The following IMPG1 variants were observed in gnomAD, a reference collection of about 807,000 sequenced individuals.
The protein encoded by IMPG1 is interphotoreceptor matrix proteoglycan of 150 kDa.
Under a neutral mutation model 92.0 loss-of-function variants are expected in IMPG1, and 85 were observed. The ratio of observed to expected loss-of-function variants is 0.92; its 90% confidence interval spans 0.78 to 1.11. The LOEUF is 1.11. Among genes scored for constraint, IMPG1 ranks in the 50% least tolerant of loss-of-function variants. IMPG1 has a pLI of 0.00. For missense variants in IMPG1, 1,022 were observed against 956.0 expected, an observed-to-expected ratio of 1.07 and a Z score of -0.91; for synonymous variants, 367 against 334.1, an observed-to-expected ratio of 1.10 and a Z score of -1.08.
chr6:75,991,524 C>G (rs1048226901), intron 12 of IMPG1, among the ~76,000 whole-genome samples: 2 of 152,158 alleles, frequency 1.3e-5, no homozygotes, highest in African/African-American at 4.8e-5. Flanking sequence ...CACCATGTCT[C>G]GATCACTTGA....
intron 1 of IMPG1, 24 bp downstream of exon 1, chr6:76,072,398 A>G: frequency 7.6e-7 from 1 of 1,310,158 alleles, no homozygotes; most frequent in Non-Finnish European, 1.1e-6. Flanking sequence ...AAGCAATTTA[A>G]AAGTAAACAT....
At chr6:75,931,986 G>A (rs1431753083) in intron 14 of IMPG1, among the ~76,000 whole-genome samples, 1 of 152,248 alleles carries the variant, frequency 6.6e-6, no homozygotes, top group Non-Finnish European at 1.5e-5. Context: ...GGCAGAACCA[G>A]AACAGGCCTC....
At chr6:76,051,235 A>G (rs538865160) in intron 1 of IMPG1, among the ~76,000 whole-genome samples, 2 of 152,332 alleles carry the variant, frequency 1.3e-5, no homozygotes, top group African/African-American at 4.8e-5. Flanking sequence ...CTCCCACTAC[A>G]TTAGTAGATT....
intron 12 of IMPG1, among the ~76,000 whole-genome samples, chr6:75,974,408 C>CCTTCCTTGCTTG (rs1562354959): frequency 8.1e-6 from 1 of 123,034 alleles, no homozygotes; most frequent in African/African-American, 3.0e-5. Context: ...TTCTTTCCTT[C>CCTTCCTTGCTTG]CTTCCTTCCT....
chr6:75,963,492 T>C (rs892720025), intron 12 of IMPG1, among the ~76,000 whole-genome samples: 3 of 152,168 alleles, frequency 2.0e-5, no homozygotes, highest in African/African-American at 4.8e-5. Flanking sequence ...TCAAACGCAG[T>C]TATAAGAAAT....
intron 1 of IMPG1, among the ~76,000 whole-genome samples, chr6:76,052,133 C>A (rs1469223001): frequency 6.6e-6 from 1 of 152,122 alleles, no homozygotes; most frequent in Admixed American, 6.5e-5. Flanking sequence ...AGGAAGTTGC[C>A]TCTTTCGTGC....
rs1781514823 is a variant in IMPG1 at position 75,924,706 on chromosome 6, A to AATATATCATATAATT, written c.2244-1001_2244-1000insAATTATATGATATAT. ...ATATTATATATAAATAATTATATAT[A>AATATATCATATAATT]ATATATAATATATAATATAATTATA... On this transcript the variant is annotated intron_variant, in intron 15 of 16. Transcript: ENST00000369950. Among the ~76,000 whole-genome samples, 7 of 1,570 alleles carry AATATATCATATAATT rather than the reference A, an allele frequency of 4.5e-3. 3 individuals carry two copies. Among genetic ancestry groups the AATATATCATATAATT allele is most frequent in the Non-Finnish European group, 0.01 (7 of 688 alleles). The allele number at this position is 1,570 out of a possible 152,430, so 1.0% of individuals were successfully genotyped here. A position where few individuals can be genotyped will look rare whatever the true frequency, so the allele number is the denominator to read the frequency against.
chr6:75,931,615 A>G (rs1369417174), intron 14 of IMPG1, among the ~76,000 whole-genome samples: 1 of 152,174 alleles, frequency 6.6e-6, no homozygotes, highest in African/African-American at 2.4e-5. Flanking sequence ...TAAAGCATTA[A>G]GTCATCATTT....
rs1781431978 is a variant in IMPG1, at chr6:75,921,662, C to T, written c.*427G>A. ...ATGCGTTTAGAGAGACCTGCATCTC[C>T]CTGCGTAAGTAGTCATCTTTTAAAT... On this transcript the variant is annotated 3_prime_UTR_variant, in exon 17 of 17. Coordinates refer to ENST00000369950, the MANE Select transcript of IMPG1 (RefSeq NM_001563.4). 1 of 183,354 alleles carries T rather than the reference C, an allele frequency of 5.5e-6. No homozygotes were observed. Among genetic ancestry groups the T allele is most frequent in the Admixed American group, 6.2e-5 (1 of 16,116 alleles). 11.4% of individuals were successfully genotyped at this position (183,354 alleles called of 1,614,324 possible). A position where few individuals can be genotyped will look rare whatever the true frequency, so the allele number is the denominator to read the frequency against.
At chr6:76,022,986 A>C (rs1783459716) in intron 5 of IMPG1, among the ~76,000 whole-genome samples, 1 of 152,220 alleles carries the variant, frequency 6.6e-6, no homozygotes, top group Non-Finnish European at 1.5e-5. Context: ...ATATACTGAA[A>C]AATGATTCAA....
rs368603251 is a variant in IMPG1, at chr6:75,924,643, A to G, written c.2244-937T>C. Among the ~76,000 whole-genome samples, 15 of 10,034 alleles carry G rather than the reference A, an allele frequency of 1.5e-3. 3 individuals carry two copies. The highest frequency in any genetic ancestry group is 5.5e-3 in the African/African-American group (13 of 2,378). The allele number at this position is 10,034 out of a possible 152,430, so 6.6% of individuals were successfully genotyped here. On this transcript the variant is annotated intron_variant, in intron 15 of 16. Coordinates refer to ENST00000369950, the MANE Select transcript of IMPG1 (RefSeq NM_001563.4). ...ATATAATAAATTATATATTATATATAATTAATTATATATAATATATAATAA... is the reference window on the plus strand; with the variant it reads ...ATATAATAAATTATATATTATATATGATTAATTATATATAATATATAATAA...
chr6:75,970,277 A>G (rs868570878), intron 12 of IMPG1, among the ~76,000 whole-genome samples: 1 of 152,172 alleles, frequency 6.6e-6, no homozygotes, highest in African/African-American at 2.4e-5. Context: ...GCCCAAGGCT[A>G]CAAAGATGGG....
At chr6:76,026,423 C>T (rs1019414911) in intron 4 of IMPG1, among the ~76,000 whole-genome samples, 1 of 152,192 alleles carries the variant, frequency 6.6e-6, no homozygotes, top group African/African-American at 2.4e-5. Flanking sequence ...TGCCCCCATA[C>T]CCCATTGCTC....
intron 9 of IMPG1, among the ~76,000 whole-genome samples, chr6:76,006,104 C>T (rs1783092528): frequency 6.6e-6 from 1 of 152,104 alleles, no homozygotes; most frequent in African/African-American, 2.4e-5. Context: ...GCTGAGGTTA[C>T]AGGCCTGAGC....
At chr6:76,064,915 A>G (rs1287661925) in intron 1 of IMPG1, among the ~76,000 whole-genome samples, 1 of 152,112 alleles carries the variant, frequency 6.6e-6, no homozygotes, top group Admixed American at 6.6e-5. Context: ...ACCATAGGAG[A>G]CAATGAACTT....
intron 16 of IMPG1, among the ~76,000 whole-genome samples, chr6:75,923,292 A>G (rs1021839449): frequency 1.3e-5 from 2 of 152,078 alleles, no homozygotes; most frequent in African/African-American, 4.8e-5. Context: ...TTGAAAGTAT[A>G]TAAAATTATT....
At chr6:75,998,590 G>C (rs1418764104) in intron 12 of IMPG1, among the ~76,000 whole-genome samples, 1 of 152,164 alleles carries the variant, frequency 6.6e-6, no homozygotes, top group Non-Finnish European at 1.5e-5. Context: ...TAAGAGACCT[G>C]GTTTCTGTCT....
At chr6:76,054,438 G>A (rs956917283) in intron 1 of IMPG1, among the ~76,000 whole-genome samples, 4 of 152,166 alleles carry the variant, frequency 2.6e-5, no homozygotes, top group East Asian at 1.9e-4. Flanking sequence ...TGGACGAAAC[G>A]CACCTGTTAA....
At chr6:76,058,357 G>A (rs1276153279) in intron 1 of IMPG1, among the ~76,000 whole-genome samples, 1 of 152,162 alleles carries the variant, frequency 6.6e-6, no homozygotes, top group Non-Finnish European at 1.5e-5. Flanking sequence ...TAAGTAGAAG[G>A]AGGTGATAAT....
Sources: gnomAD v4.1 joint callset for allele counts (sites outside exome capture counted in the v4.1 genomes callset) on GRCh38, gnomAD v4.1.1 for gene constraint, MANE v1.5 for transcripts, NCBI Gene and HGNC (gene_info 2026-07-23, HGNC 2026-07-21) for gene names.